Variants in KATNAL1 observed in about 807,000 individuals in gnomAD.
KATNAL1 encodes the protein katanin catalytic subunit A1 like 1, also known as katanin p60 ATPase-containing subunit A-like 1.
A neutral mutation model predicts 55.2 loss-of-function variants in KATNAL1; 32 were observed. The ratio of observed to expected loss-of-function variants is 0.58; its 90% CI spans 0.44 to 0.78. KATNAL1 has a LOEUF of 0.78. Ranked by LOEUF, KATNAL1 falls within the 30% of genes least tolerant of loss-of-function variation. KATNAL1 has a pLI of 0.00. For missense variants in KATNAL1, 466 were observed against 600.9 expected, an observed-to-expected ratio of 0.78 and a Z score of 2.35; for synonymous variants, 193 against 193.6, an observed-to-expected ratio of 1.00 and a Z score of 0.02.
chr13:30,294,120 G>A (rs1300442144), intron 1 of KATNAL1, among the ~76,000 whole-genome samples: 2 of 152,086 alleles, frequency 1.3e-5, no homozygotes, highest in African/African-American at 4.8e-5. Context: ...GGCCAATGAA[G>A]AACCCTACAA....
At chr13:30,263,303 C>T (rs1273586257) in intron 3 of KATNAL1, among the ~76,000 whole-genome samples, 10 of 152,136 alleles carry the variant, frequency 6.6e-5, no homozygotes, top group Middle Eastern at 3.4e-3. Context: ...CCTTTGAAAA[C>T]GGGCACAAGA....
intron 3 of KATNAL1, among the ~76,000 whole-genome samples, chr13:30,264,606 A>G (rs1879590710): frequency 1.3e-5 from 2 of 150,658 alleles, no homozygotes; most frequent in South Asian, 4.2e-4. Flanking sequence ...TATGCAGCCA[A>G]ACAACACATG....
chr13:30,262,721 T>C (rs1291281310), intron 3 of KATNAL1, among the ~76,000 whole-genome samples: 1 of 151,870 alleles, frequency 6.6e-6, no homozygotes, highest in East Asian at 1.9e-4. Context: ...ATTGTGGCAA[T>C]AATCAATAGC....
chr13:30,266,692 A>G (rs1270135175), intron 3 of KATNAL1, among the ~76,000 whole-genome samples: 1 of 152,194 alleles, frequency 6.6e-6, no homozygotes, highest in Non-Finnish European at 1.5e-5. Flanking sequence ...TAACAGAAAA[A>G]TATTACCAGT....
At chr13:30,229,498 T>A (rs1875859682) in intron 8 of KATNAL1, among the ~76,000 whole-genome samples, 1 of 152,078 alleles carries the variant, frequency 6.6e-6, no homozygotes, top group South Asian at 2.1e-4. Context: ...GTCCAGAGGA[T>A]CATCTCAGCT....
chr13:30,292,859 C>CTTGAGAAT (rs1882225565), intron 1 of KATNAL1, among the ~76,000 whole-genome samples: 1 of 152,098 alleles, frequency 6.6e-6, no homozygotes, highest in Admixed American at 6.6e-5. Context: ...AATAATTTTC[C>CTTGAGAAT]TTGAGAATTT....
At chr13:30,228,848 G>A (rs574113909) in intron 8 of KATNAL1, among the ~76,000 whole-genome samples, 19 of 152,322 alleles carry the variant, frequency 1.2e-4, no homozygotes, top group East Asian at 7.7e-4. Context: ...AAACTCCTGC[G>A]CTCAAGCTAT....
chr13:30,299,450 A>G (rs1165977443), intron 1 of KATNAL1, among the ~76,000 whole-genome samples: 3 of 152,102 alleles, frequency 2.0e-5, no homozygotes, highest in Non-Finnish European at 4.4e-5. Context: ...CAGATAACTG[A>G]AGCAGTTAAT....
intron 1 of KATNAL1, among the ~76,000 whole-genome samples, chr13:30,291,864 C>T (rs902662895): frequency 2.9e-4 from 44 of 152,000 alleles, no homozygotes; most frequent in Admixed American, 7.9e-4. Context: ...GAAGAAACCT[C>T]GTCTCTACTA....
chr13:30,279,727 T>C (rs960326147), intron 3 of KATNAL1, among the ~76,000 whole-genome samples: 3 of 152,292 alleles, frequency 2.0e-5, no homozygotes, highest in Admixed American at 6.5e-5. Flanking sequence ...TTGAAGTTGT[T>C]AGAGTCTCCT....
intron 4 of KATNAL1, among the ~76,000 whole-genome samples, chr13:30,244,367 TG>T (rs1472875012): frequency 6.6e-6 from 1 of 152,170 alleles, no homozygotes; most frequent in Non-Finnish European, 1.5e-5. Context: ...TTTGCTATTG[TG>T]AATAGTGCTG....
chr13:30,231,968 A>G (rs1220971667), intron 6 of KATNAL1, among the ~76,000 whole-genome samples: 1 of 152,226 alleles, frequency 6.6e-6, no homozygotes, highest in Non-Finnish European at 1.5e-5. Context: ...AATAAGGTTA[A>G]CAGTAAAAAA....
At chr13:30,305,902 T>C (rs1016677775) in intron 1 of KATNAL1, among the ~76,000 whole-genome samples, 2 of 152,268 alleles carry the variant, frequency 1.3e-5, no homozygotes, top group African/African-American at 4.8e-5. Context: ...TTATGTTGTA[T>C]CACATAAGGC....
At chr13:30,228,140 T>C (rs35963596) in intron 8 of KATNAL1, among the ~76,000 whole-genome samples, 22,761 of 152,084 alleles carry the variant, frequency 0.15, 2,229 homozygotes, top group East Asian at 0.33. Context: ...ACTACATGTA[T>C]ATACACAGTG....
In KATNAL1 at chr13:30,280,093, ACAG is replaced by A. The variant is rs1474150138; in HGVS notation, c.290_292del (p.Ala97del). 2 of 1,612,498 alleles carry A rather than the reference ACAG, an allele frequency of 1.2e-6. No individual in the cohort carries two copies. The highest frequency in any genetic ancestry group is 3.4e-5 in the Admixed American group (2 of 59,574). On this transcript the variant is annotated inframe_deletion, in exon 3 of 11. Transcript: ENST00000380615. The stretch of plus-strand genomic sequence containing the variant: ...TTCTGCAGGAACAGGGGGTGGCCAA[ACAG>A]CAGGATCTCTAAATGGTTCATCTTG...
chr13:30,214,933 T>A (rs1211404559), intron 9 of KATNAL1, among the ~76,000 whole-genome samples: 6 of 151,868 alleles, frequency 4.0e-5, no homozygotes, highest in Non-Finnish European at 4.4e-5. Flanking sequence ...GGGATCTAAT[T>A]AAACTAAAGA....
chr13:30,228,751 TTTG>T (rs369357037), intron 8 of KATNAL1, among the ~76,000 whole-genome samples: 7 of 152,018 alleles, frequency 4.6e-5, no homozygotes, highest in Admixed American at 2.0e-4. Flanking sequence ...TTGTTGGTGT[TTTG>T]TTGTTGTTGT....
At chr13:30,264,949 A>G (rs1238356064) in intron 3 of KATNAL1, among the ~76,000 whole-genome samples, 5 of 146,808 alleles carry the variant, frequency 3.4e-5, no homozygotes, top group African/African-American at 1.3e-4. Context: ...CATTATTCAC[A>G]ATAGCAAAGA....
Position 30,270,090 on chromosome 13 carries a change from C to T in KATNAL1, c.323+9973G>A, listed in dbSNP as rs1429227962. ...AGGGAGGTGGGGGGGGTCAGCCCCC[C>T]GCCCGGCCAGCCGCCCCGTCCGGGA... is the stretch of plus-strand genomic sequence containing the variant. On this transcript the variant is annotated intron_variant, in intron 3 of 10. Transcript: ENST00000380615. 3.3e-3 allele frequency among the ~76,000 whole-genome samples: 406 copies of T among 124,710 alleles called. 21 individuals carry two copies. Among genetic ancestry groups the T allele is most frequent in the Non-Finnish European group, 5.4e-3 (298 of 55,620 alleles). 81.8% of individuals were successfully genotyped at this position (124,710 alleles called of 152,430 possible). A position where few individuals can be genotyped will look rare whatever the true frequency, so the allele number is the denominator to read the frequency against.
Sources: gnomAD v4.1 joint callset for allele counts (sites outside exome capture counted in the v4.1 genomes callset) on GRCh38, gnomAD v4.1.1 for gene constraint, MANE v1.5 for transcripts, NCBI Gene and HGNC (gene_info 2026-07-23, HGNC 2026-07-21) for gene names.